Variants in COL22A1 observed in about 807,000 individuals in gnomAD.
COL22A1 encodes the protein collagen alpha-1(XXII) chain.
A neutral mutation model predicts 248.9 loss-of-function variants in COL22A1; 221 were observed. The observed-to-expected ratio is 0.89, with a 90% CI of 0.80 to 0.99. The LOEUF (loss-of-function observed/expected upper bound fraction) is 0.99, where lower values mean the gene tolerates loss of function less well. COL22A1 is among the 50% of genes least tolerant of loss of function. COL22A1 has a pLI of 0.00. For synonymous variants in COL22A1, 891 were observed against 793.4 expected (o/e 1.12, Z -2.07); for missense variants, 2,240 against 2,179.0 (o/e 1.03, Z -0.56).
At chr8:138,731,647 TGAGAGAGA>T (rs144710737) in intron 23 of COL22A1, among the ~76,000 whole-genome samples, 1 of 150,584 alleles carries the variant, frequency 6.6e-6, no homozygotes, top group Non-Finnish European at 1.5e-5. Flanking sequence ...CTACAGGGCC[TGAGAGAGA>T]GAGAGAGAGT....
At chr8:138,777,531 C>G (rs750313795) in intron 15 of COL22A1, among the ~76,000 whole-genome samples, 20 of 152,144 alleles carry the variant, frequency 1.3e-4, no homozygotes, top group Non-Finnish European at 2.2e-4. Context: ...CCACCACCCC[C>G]CAACAGGCCC....
chr8:138,627,886 G>GA (rs560742276), intron 50 of COL22A1, among the ~76,000 whole-genome samples: 1 of 152,060 alleles, frequency 6.6e-6, no homozygotes, highest in Admixed American at 6.5e-5. Context: ...AATTTAGGTG[G>GA]AAAAAAATAC....
intron 23 of COL22A1, among the ~76,000 whole-genome samples, chr8:138,732,315 G>T (rs1231648069): frequency 6.6e-6 from 1 of 152,210 alleles, no homozygotes; most frequent in Non-Finnish European, 1.5e-5. Flanking sequence ...AGGTGCTGCG[G>T]GCAAGTCACT....
chr8:138,796,376 G>T (rs1212074477), intron 12 of COL22A1, among the ~76,000 whole-genome samples: 2 of 52,956 alleles, frequency 3.8e-5, no homozygotes, highest in Admixed American at 1.8e-4. Flanking sequence ...TTTTTCTCTT[G>T]CTTGCTACTT....
chr8:138,823,803 A>G (rs1481524964), intron 6 of COL22A1, among the ~76,000 whole-genome samples: 1 of 152,202 alleles, frequency 6.6e-6, no homozygotes, highest in African/African-American at 2.4e-5. Flanking sequence ...ATGCTTTTAA[A>G]CAGGCATTTT....
At chr8:138,845,971 T>C (rs897026668) in intron 3 of COL22A1, among the ~76,000 whole-genome samples, 3 of 152,166 alleles carry the variant, frequency 2.0e-5, no homozygotes, top group Non-Finnish European at 4.4e-5. Flanking sequence ...CCTCTTCTCA[T>C]ATTTGAGGGT....
rs115783010 is a variant in COL22A1 at position 138,608,213 on chromosome 8, G to A, written c.3979-224C>T. Among the ~76,000 whole-genome samples, 1,345 of 152,288 alleles carry A rather than the reference G, an allele frequency of 8.8e-3. 20 individuals are homozygous for A. The highest frequency in any genetic ancestry group is 0.03 in the African/African-American group (1,262 of 41,562). On this transcript the variant is annotated intron_variant, in intron 56 of 64. Coordinates refer to ENST00000303045, the MANE Select transcript of COL22A1 (RefSeq NM_152888.3). ...TATTGTTGTGAAATCAAATGAGTCCGTGGGCATGAAAAAGTCTAGCCTGGT... is the reference window on the plus strand; with the variant it reads ...TATTGTTGTGAAATCAAATGAGTCCATGGGCATGAAAAAGTCTAGCCTGGT...
intron 21 of COL22A1, among the ~76,000 whole-genome samples, chr8:138,752,971 G>C (rs1197284288): frequency 2.0e-5 from 3 of 152,250 alleles, no homozygotes; most frequent in Non-Finnish European, 4.4e-5. Context: ...TCAGAGAGCA[G>C]CTCATTTAAC....
At chr8:138,859,264 C>T (rs1041789222) in intron 3 of COL22A1, among the ~76,000 whole-genome samples, 10 of 152,204 alleles carry the variant, frequency 6.6e-5, no homozygotes, top group African/African-American at 1.9e-4. Context: ...AGGCAGGCCA[C>T]AGGAACAGGA....
chr8:138,604,585 T>C (rs1818282389), intron 59 of COL22A1, 149 bp downstream of exon 59: 1 of 686,356 alleles, frequency 1.5e-6, no homozygotes, highest in Admixed American at 2.5e-5. Context: ...ATGAGCCAGG[T>C]GTTCAAAAGG....
At chr8:138,616,864 T>G in intron 54 of COL22A1, 50 bp downstream of exon 54, 1 of 1,605,254 alleles carries the variant, frequency 6.2e-7, no homozygotes, top group Non-Finnish European at 8.5e-7. Context: ...GTCTGGGAAG[T>G]GTAAGCTCTG....
At chr8:138,671,995 A>G (rs1454999128) in intron 41 of COL22A1, among the ~76,000 whole-genome samples, 2 of 152,326 alleles carry the variant, frequency 1.3e-5, no homozygotes, top group East Asian at 3.9e-4. Context: ...GCTATTAGTT[A>G]AATACTGGGA....
chr8:138,611,845 A>G (rs1408386793), intron 56 of COL22A1, among the ~76,000 whole-genome samples: 2 of 152,192 alleles, frequency 1.3e-5, no homozygotes, highest in Non-Finnish European at 2.9e-5. Context: ...TAGGATCTCA[A>G]AGACAAAGCC....
chr8:138,625,182 T>C (rs549387612), intron 51 of COL22A1, among the ~76,000 whole-genome samples: 8 of 152,018 alleles, frequency 5.3e-5, no homozygotes, highest in Middle Eastern at 3.4e-3. Context: ...CCTAGCCTGG[T>C]GGGGAGCAGG....
intron 10 of COL22A1, among the ~76,000 whole-genome samples, chr8:138,803,984 A>G (rs146459044): frequency 1.3e-5 from 2 of 152,248 alleles, no homozygotes; most frequent in African/African-American, 4.8e-5. Context: ...GTCAGCAGAA[A>G]GGTGTCCTGA....
At chr8:138,674,851 G>A (rs1825381769) in intron 41 of COL22A1, among the ~76,000 whole-genome samples, 1 of 152,164 alleles carries the variant, frequency 6.6e-6, no homozygotes, top group Non-Finnish European at 1.5e-5. Context: ...CCTATTAAAG[G>A]AGAATTTCAG....
chr8:138,883,997 C>G (rs1476876976), intron 1 of COL22A1, among the ~76,000 whole-genome samples: 1 of 152,176 alleles, frequency 6.6e-6, no homozygotes, highest in Non-Finnish European at 1.5e-5. Flanking sequence ...CTCACTCCCC[C>G]ACCATGCTGC....
intron 16 of COL22A1, among the ~76,000 whole-genome samples, chr8:138,770,579 G>T (rs539191334): frequency 6.6e-6 from 1 of 152,236 alleles, no homozygotes; most frequent in African/African-American, 2.4e-5. Flanking sequence ...CCCACCCCAT[G>T]TTGGGCAAGG....
chr8:138,756,472 G>T (rs1007435099), intron 18 of COL22A1, among the ~76,000 whole-genome samples: 1 of 152,076 alleles, frequency 6.6e-6, no homozygotes, highest in African/African-American at 2.4e-5. Flanking sequence ...TATCAATTTT[G>T]ATCACAGAAA....
Sources: gnomAD v4.1 joint callset for allele counts (sites outside exome capture counted in the v4.1 genomes callset) on GRCh38, gnomAD v4.1.1 for gene constraint, MANE v1.5 for transcripts, NCBI Gene and HGNC (gene_info 2026-07-23, HGNC 2026-07-21) for gene names.